The following PLBD1 variants were observed in gnomAD, a reference collection of about 807,000 sequenced individuals.
The protein encoded by PLBD1 is phospholipase B domain containing 1, also known as lysosomal leucine aminopeptidase.
PLBD1 carries 60 observed loss-of-function variants against 63.0 expected under a neutral mutation model. That is an observed-to-expected ratio of 0.95 (90% CI 0.77 to 1.18). The LOEUF (loss-of-function observed/expected upper bound fraction) is 1.18. Among genes scored for constraint, PLBD1 ranks in the 50% most tolerant of loss-of-function variants. The probability of loss-of-function intolerance (pLI) is 0.00; values close to 1 mark genes in which losing one functional copy is unlikely to be tolerated. For missense variants in PLBD1, 598 were observed against 677.9 expected (o/e 0.88, Z 1.31); for synonymous variants, 262 against 248.0 (o/e 1.06, Z -0.53).
At chr12:14,522,491 T>A (rs1276097269) in intron 6 of PLBD1, among the ~76,000 whole-genome samples, 1 of 151,920 alleles carries the variant, frequency 6.6e-6, no homozygotes, top group Admixed American at 6.6e-5. Flanking sequence ...GAGGAGGGAA[T>A]ACTTCCAACA....
chr12:14,551,839 G>A (rs1423026448), intron 2 of PLBD1, among the ~76,000 whole-genome samples: 8 of 152,218 alleles, frequency 5.3e-5, no homozygotes, highest in East Asian at 1.9e-4. Flanking sequence ...AATTCAGTGC[G>A]AACAGAAGTG....
At chr12:14,516,474 A>C (rs562227955) in intron 6 of PLBD1, among the ~76,000 whole-genome samples, 2 of 152,284 alleles carry the variant, frequency 1.3e-5, no homozygotes, top group East Asian at 1.9e-4. Flanking sequence ...GCTTGTTACA[A>C]ATGTCCCAGC....
At chr12:14,561,623 C>T (rs1342913457) in intron 1 of PLBD1, among the ~76,000 whole-genome samples, 1 of 152,134 alleles carries the variant, frequency 6.6e-6, no homozygotes, top group Non-Finnish European at 1.5e-5. Context: ...GGCACGGTCT[C>T]GGCTCACCGC....
chr12:14,536,993 G>C (rs1945523072), intron 4 of PLBD1, among the ~76,000 whole-genome samples: 1 of 151,358 alleles, frequency 6.6e-6, no homozygotes, highest in Non-Finnish European at 1.5e-5. Context: ...GGAGGCTGAG[G>C]CAGGAGAATC....
chr12:14,558,249 T>C (rs1945721820), intron 1 of PLBD1, among the ~76,000 whole-genome samples: 1 of 152,110 alleles, frequency 6.6e-6, no homozygotes, highest in Non-Finnish European at 1.5e-5. Flanking sequence ...ATGACCATCA[T>C]GGCAGGCCTT....
rs763889950 is a variant in PLBD1 at position 14,542,262 on chromosome 12, TA to T, written c.364del (p.Tyr122ThrfsTer4). On this transcript the variant is annotated frameshift_variant, in exon 3 of 11. Transcript: ENST00000240617. LOFTEE classifies it high-confidence loss of function. Reference sequence around the variant, plus strand: ...GGAAGGTTTCGTGATCAGCTGTGGGTAGAGGTTTGTGTAGTGGTCATTCATG... The same window carrying T: ...GGAAGGTTTCGTGATCAGCTGTGGGTGAGGTTTGTGTAGTGGTCATTCATG... ...PHMNDHYTNL[Y>X]PQLITKPSIM... is the part of the protein sequence containing the mutation. 33 of 1,610,894 alleles carry T rather than the reference TA, an allele frequency of 2.0e-5. No homozygotes were observed. Among genetic ancestry groups the T allele is most frequent in the Non-Finnish European group, 2.6e-5 (31 of 1,177,176 alleles).
chr12:14,558,049 CA>C (rs35613344), intron 1 of PLBD1, among the ~76,000 whole-genome samples: 82,702 of 93,598 alleles, frequency 0.88, 36,335 homozygotes, highest in East Asian at 0.95. Context: ...ACTACGTAGC[CA>C]AAAAAAAAAA....
At chr12:14,529,255 T>G (rs1430037507) in intron 6 of PLBD1, among the ~76,000 whole-genome samples, 1 of 151,950 alleles carries the variant, frequency 6.6e-6, no homozygotes, top group African/African-American at 2.4e-5. Flanking sequence ...TACATGCTCT[T>G]AAAACACTTA....
chr12:14,524,386 TAC>T (rs1238798026), intron 6 of PLBD1, among the ~76,000 whole-genome samples: 3 of 152,204 alleles, frequency 2.0e-5, no homozygotes, highest in Non-Finnish European at 4.4e-5. Flanking sequence ...ACACAATGTA[TAC>T]ATGCATCAAA....
intron 6 of PLBD1, among the ~76,000 whole-genome samples, chr12:14,524,225 G>A (rs191743129): frequency 5.5e-4 from 84 of 151,870 alleles, no homozygotes; most frequent in Middle Eastern, 3.4e-3. Flanking sequence ...AGAAAGTTGC[G>A]GTATTCTATT....
At chr12:14,549,676 G>GTT (rs748016618) in intron 2 of PLBD1, among the ~76,000 whole-genome samples, 1 of 150,736 alleles carries the variant, frequency 6.6e-6, no homozygotes, top group African/African-American at 2.4e-5. Context: ...CTTGTTTTTG[G>GTT]TTTTTTTTTG....
intron 9 of PLBD1, 95 bp downstream of exon 9, chr12:14,506,838 C>T: frequency 9.2e-7 from 1 of 1,088,696 alleles, no homozygotes; most frequent in Non-Finnish European, 1.3e-6. Flanking sequence ...CTTATAATTC[C>T]TTCTAGTACA....
intron 2 of PLBD1, among the ~76,000 whole-genome samples, chr12:14,546,772 G>C (rs1945619792): frequency 6.6e-6 from 1 of 152,214 alleles, no homozygotes; most frequent in Admixed American, 6.5e-5. Flanking sequence ...ATCCTGACTT[G>C]AGTGTCATTG....
intron 4 of PLBD1, 51 bp from the exon 5 acceptor site, chr12:14,536,761 T>C: frequency 6.3e-7 from 1 of 1,597,342 alleles, no homozygotes; most frequent in Non-Finnish European, 8.6e-7. Flanking sequence ...CAGACATCAT[T>C]TCCTGTTTTC....
Position 14,540,865 on chromosome 12 carries a change from ATTC to A in PLBD1, c.454_456del (p.Glu152del), listed in dbSNP as rs1945565963. The A allele has an allele frequency of 2.5e-6, 4 of 1,605,680 alleles. No homozygotes were observed. The African/African-American group carries it at 4.0e-5, about 16-fold the overall frequency. On this transcript the variant is annotated inframe_deletion, in exon 4 of 11. Transcript: ENST00000240617. Reference sequence around the variant, plus strand: ...TGTCTCCAAAATGAATCAGTCTTGTATTCTTTGATATTTTTCCGGGTCCACTTA... The same window carrying A: ...TGTCTCCAAAATGAATCAGTCTTGTATTTGATATTTTTCCGGGTCCACTTA...
chr12:14,553,483 C>T, intron 1 of PLBD1, 71 bp from the exon 2 acceptor site: 1 of 1,156,204 alleles, frequency 8.6e-7, no homozygotes, highest in Non-Finnish European at 1.3e-6. Flanking sequence ...CCTATGTATC[C>T]AACAATTTCA....
chr12:14,535,049 C>G (rs1945501653), intron 6 of PLBD1, among the ~76,000 whole-genome samples: 1 of 152,198 alleles, frequency 6.6e-6, no homozygotes, highest in Non-Finnish European at 1.5e-5. Flanking sequence ...CCCCAACAAT[C>G]AGATGTGAGT....
chr12:14,561,855 C>A lies in PLBD1; in HGVS notation c.115+5727G>T, dbSNP rs1216938104. On this transcript the variant is annotated intron_variant, in intron 1 of 10. Coordinates refer to ENST00000240617, the MANE Select transcript of PLBD1 (RefSeq NM_024829.6). ...ACAGGCGTGAGCCACTGCACCTGGC[C>A]TGGATCCCAAACTTTCACACTGGCT... Among the ~76,000 whole-genome samples the A allele has an allele frequency of 2.6e-5, 4 of 152,330 alleles. No individual in the cohort carries two copies. The East Asian group carries it at 5.8e-4, about 22-fold the overall frequency.
chr12:14,554,844 C>T (rs757549214), intron 1 of PLBD1, among the ~76,000 whole-genome samples: 10 of 152,102 alleles, frequency 6.6e-5, no homozygotes, highest in Non-Finnish European at 1.2e-4. Context: ...ATTCTCCCCA[C>T]AGGTTCCTCT....
Sources: allele counts gnomAD v4.1 joint callset (sites outside exome capture counted in the v4.1 genomes callset), GRCh38; gene constraint gnomAD v4.1.1; transcripts MANE v1.5; gene names NCBI Gene and HGNC (gene_info 2026-07-23, HGNC 2026-07-21).